PRICKLE2: variants seen among roughly 807,000 people sequenced by gnomAD.
The protein encoded by PRICKLE2 is prickle-like protein 2.
Under a neutral mutation model 81.4 loss-of-function variants are expected in PRICKLE2, and 21 were observed. That is an observed-to-expected ratio of 0.26 (90% CI 0.18 to 0.37). The LOEUF (loss-of-function observed/expected upper bound fraction) is 0.37, where lower values mean the gene tolerates loss of function less well. Among genes scored for constraint, PRICKLE2 ranks in the 10% least tolerant of loss-of-function variants. The pLI is 1.00. For synonymous variants in PRICKLE2, 456 were observed against 421.5 expected (o/e 1.08, Z -1.00); for missense variants, 940 against 1,109.0 (o/e 0.85, Z 2.16).
intron 1 of PRICKLE2, among the ~76,000 whole-genome samples, chr3:64,214,595 C>T (rs187233798): frequency 9.2e-5 from 14 of 152,250 alleles, no homozygotes; most frequent in Admixed American, 8.5e-4. Flanking sequence ...CTCATTCTTA[C>T]AGCAGTGAAA....
At chr3:64,259,213 A>G (rs922436593) in intron 2 of PRICKLE2, among the ~76,000 whole-genome samples, 1 of 152,230 alleles carries the variant, frequency 6.6e-6, no homozygotes, top group Non-Finnish European at 1.5e-5. Context: ...GAGAAGGAAC[A>G]TGATAACAGT....
chr3:64,248,119 C>T (rs1389219468), intron 2 of PRICKLE2, among the ~76,000 whole-genome samples: 1 of 152,128 alleles, frequency 6.6e-6, no homozygotes, highest in Non-Finnish European at 1.5e-5. Flanking sequence ...AAAGGCAGCC[C>T]ACTATCTCAC....
intron 1 of PRICKLE2, among the ~76,000 whole-genome samples, chr3:64,214,316 CAA>C (rs1042379009): frequency 7.9e-5 from 12 of 152,264 alleles, no homozygotes; most frequent in African/African-American, 2.9e-4. Flanking sequence ...ACTTGCGAAA[CAA>C]GAGAATCGAG....
At chr3:64,141,345 T>C (rs1031653687) in intron 7 of PRICKLE2, among the ~76,000 whole-genome samples, 2 of 152,216 alleles carry the variant, frequency 1.3e-5, no homozygotes, top group Non-Finnish European at 2.9e-5. Flanking sequence ...ACACCATCTG[T>C]AAAATGGGAA....
At chr3:64,217,141 A>G (rs696024) in intron 1 of PRICKLE2, among the ~76,000 whole-genome samples, 18,515 of 152,124 alleles carry the variant, frequency 0.12, 1,432 homozygotes, top group East Asian at 0.4. Context: ...ATGCCTACAG[A>G]AAACAGCCCC....
At position 64,099,855 on chromosome 3, in the gene PRICKLE2, T is replaced by C. The variant is rs763876077; in HGVS notation, c.1731A>G (p.Lys577=). Residue 577 remains lysine (K), a synonymous_variant, in exon 8 of 8, where the codon AAA becomes AAG. Transcript: ENST00000638394. The surrounding 1 kb of genome is among the most constrained non-coding windows in gnomAD (Gnocchi z 4.3). ...LSRFSMPDLS[K]DSGMNVSEKL... The stretch of plus-strand genomic sequence containing the variant: ...TCTCAGACACATTCATTCCAGAGTC[T>C]TTGCTGAGGTCAGGCATGGAAAATC... 6.2e-7 allele frequency: 1 copy of C among 1,614,184 alleles called. No individual in the cohort carries two copies. The highest frequency in any genetic ancestry group is 8.5e-7 in the Non-Finnish European group (1 of 1,180,026).
intron 2 of PRICKLE2, among the ~76,000 whole-genome samples, chr3:64,252,650 C>T (rs558658309): frequency 3.9e-5 from 6 of 152,296 alleles, no homozygotes; most frequent in Middle Eastern, 6.8e-3. Flanking sequence ...GGACGCATGA[C>T]GGTGGGAAGA....
chr3:64,183,444 T>C (rs898067215), intron 2 of PRICKLE2, among the ~76,000 whole-genome samples: 1 of 152,050 alleles, frequency 6.6e-6, no homozygotes, highest in Admixed American at 6.5e-5. Flanking sequence ...AGTATAACCA[T>C]AGGTTATATT....
At chr3:64,133,638 A>C (rs1175767528) in intron 7 of PRICKLE2, among the ~76,000 whole-genome samples, 1 of 152,148 alleles carries the variant, frequency 6.6e-6, no homozygotes, top group Non-Finnish European at 1.5e-5. Flanking sequence ...GTGAACTGAC[A>C]GTCTACTTTC....
chr3:64,254,951 G>A (rs1030261528), intron 2 of PRICKLE2, among the ~76,000 whole-genome samples: 3 of 152,098 alleles, frequency 2.0e-5, no homozygotes, highest in African/African-American at 7.2e-5. Context: ...ATTGTTGTGA[G>A]ATCACCTGAG....
chr3:64,138,692 T>A (rs1385894863), intron 7 of PRICKLE2, among the ~76,000 whole-genome samples: 1 of 152,228 alleles, frequency 6.6e-6, no homozygotes, highest in Non-Finnish European at 1.5e-5. Context: ...GCAATACCAA[T>A]GAACAAAGGC....
intron 2 of PRICKLE2, among the ~76,000 whole-genome samples, chr3:64,253,246 T>C (rs1646523379): frequency 6.6e-6 from 1 of 152,246 alleles, no homozygotes. Flanking sequence ...TAATCTATTT[T>C]ATAAGTAAAG....
chr3:64,167,379 T>C (rs961289719), intron 2 of PRICKLE2, among the ~76,000 whole-genome samples: 1 of 152,222 alleles, frequency 6.6e-6, no homozygotes, highest in Non-Finnish European at 1.5e-5. Context: ...AAAGGTGCCC[T>C]GTGATTCCAC....
intron 2 of PRICKLE2, among the ~76,000 whole-genome samples, chr3:64,257,765 C>T (rs1020666089): frequency 5.9e-5 from 9 of 152,144 alleles, no homozygotes; most frequent in African/African-American, 2.2e-4. Flanking sequence ...AGCTATTATC[C>T]TTTGCCATGG....
chr3:64,152,441 A>G (rs920114739), intron 6 of PRICKLE2, among the ~76,000 whole-genome samples: 11 of 152,220 alleles, frequency 7.2e-5, no homozygotes, highest in Non-Finnish European at 1.5e-4. Context: ...GGGTATTTGC[A>G]GAGGGAAAAT....
At chr3:64,261,933 G>A (rs982997784) in intron 2 of PRICKLE2, among the ~76,000 whole-genome samples, 7 of 152,208 alleles carry the variant, frequency 4.6e-5, no homozygotes, top group African/African-American at 1.7e-4. Context: ...GTTTGGGAAG[G>A]TTGTCAAGTA....
At chr3:64,235,004 T>C (rs1357987109) in intron 2 of PRICKLE2, among the ~76,000 whole-genome samples, 3 of 152,204 alleles carry the variant, frequency 2.0e-5, no homozygotes, top group African/African-American at 7.2e-5. Context: ...CCAGTAAGCA[T>C]ATGTAGGTGT....
intron 2 of PRICKLE2, among the ~76,000 whole-genome samples, chr3:64,186,699 T>C (rs986089268): frequency 6.6e-6 from 1 of 152,202 alleles, no homozygotes; most frequent in African/African-American, 2.4e-5. Context: ...AACGAATAAA[T>C]GGCTGAATGC....
intron 2 of PRICKLE2, among the ~76,000 whole-genome samples, chr3:64,244,269 G>T (rs1368478605): frequency 6.6e-6 from 1 of 152,134 alleles, no homozygotes; most frequent in African/African-American, 2.4e-5. Flanking sequence ...ACCAAGGCTG[G>T]ATACCCTGGA....
Sources: gnomAD v4.1 joint callset for allele counts (sites outside exome capture counted in the v4.1 genomes callset) on GRCh38, gnomAD v4.1.1 for gene constraint, Gnocchi (gnomAD v3.1) non-coding constraint, MANE v1.5 for transcripts, NCBI Gene and HGNC (gene_info 2026-07-23, HGNC 2026-07-21) for gene names.